Variants in FGF13 observed in about 807,000 individuals in gnomAD.
FGF13 encodes fibroblast growth factor homologous factor 2.
A neutral mutation model predicts 19.5 loss-of-function variants in FGF13; 2 were observed. The observed-to-expected ratio is 0.10, with a 90% confidence interval of 0.04 to 0.32. FGF13 has a LOEUF of 0.32. Ranked by LOEUF, FGF13 falls within the 10% of genes least tolerant of loss-of-function variation. The pLI is 1.00. For missense variants in FGF13, 113 were observed against 192.7 expected, an observed-to-expected ratio of 0.59 and a Z score of 2.45; for synonymous variants, 72 against 76.9, an observed-to-expected ratio of 0.94 and a Z score of 0.33.
At chrX:138,831,033 A>T (rs1285207182) in intron 3 of FGF13, among the ~76,000 whole-genome samples, 2 of 110,916 alleles carry the variant, frequency 1.8e-5, no homozygotes, top group Admixed American at 9.6e-5. Context: ...ATTCCAGCAC[A>T]GTGTCCCCTG....
intron 1 of FGF13, among the ~76,000 whole-genome samples, chrX:139,098,984 C>G (rs1392548240): frequency 9.0e-6 from 1 of 111,557 alleles, no homozygotes; most frequent in African/African-American, 3.3e-5. Flanking sequence ...GAGTTAGCAA[C>G]CTTTGCCACA....
intron 1 of FGF13, among the ~76,000 whole-genome samples, chrX:139,003,161 A>G (rs941082955): frequency 9.1e-6 from 1 of 110,369 alleles, no homozygotes; most frequent in African/African-American, 3.3e-5. Flanking sequence ...TCTGATGTTC[A>G]TATGTGTTCG....
intron 3 of FGF13, among the ~76,000 whole-genome samples, chrX:138,834,642 AT>A (rs748585192): frequency 9.4e-6 from 1 of 106,408 alleles, no homozygotes; most frequent in African/African-American, 3.4e-5. Context: ...ATGGTTTTTC[AT>A]GTTTCTATCT....
Position 138,625,244 on chromosome X carries a change from A to G in FGF13, c.*7606T>C, listed in dbSNP as rs942007933. 1 of 109,231 alleles carries G rather than the reference A, an allele frequency of 9.2e-6. No individual in the cohort carries two copies. Among genetic ancestry groups the G allele is most frequent in the African/African-American group, 3.3e-5 (1 of 30,144 alleles). The allele number at this position is 109,231 out of a possible 1,213,427, so 9.0% of individuals were successfully genotyped here. On this transcript the variant is annotated 3_prime_UTR_variant, in exon 5 of 5. Transcript: ENST00000315930. ...TTATGGGAATGTAAATTAGTAAGCCATTATGTAAAACAGTATGGAGATCCT... is the reference window on the plus strand; with the variant it reads ...TTATGGGAATGTAAATTAGTAAGCCGTTATGTAAAACAGTATGGAGATCCT...
chrX:138,955,991 A>G (rs140064410), intron 1 of FGF13, among the ~76,000 whole-genome samples: 3,130 of 111,929 alleles, frequency 0.028, 122 homozygotes, highest in African/African-American at 0.096. Context: ...GGTCAATAAC[A>G]GGTAGATACT....
chrX:139,081,814 T>G (rs1603188884), intron 1 of FGF13, among the ~76,000 whole-genome samples: 1 of 110,904 alleles, frequency 9.0e-6, no homozygotes, highest in Non-Finnish European at 1.9e-5. Flanking sequence ...TCATCACCTC[T>G]ACTATGACTA....
intron 1 of FGF13, among the ~76,000 whole-genome samples, chrX:138,983,077 CTAT>C (rs747668242): frequency 2.2e-3 from 245 of 111,151 alleles, no homozygotes; most frequent in African/African-American, 6.7e-3. Flanking sequence ...CCTTTTCACT[CTAT>C]TATTTCCTTT....
chrX:139,169,159 T>C (rs1422840611), intron 1 of FGF13, among the ~76,000 whole-genome samples: 2 of 112,263 alleles, frequency 1.8e-5, no homozygotes, highest in Non-Finnish European at 3.8e-5. Context: ...AGGGAAGTTG[T>C]GCAAGGTCAC....
Position 138,929,870 on chromosome X carries a change from G to C in FGF13, c.-112-65220C>G, listed in dbSNP as rs931873049. Among the ~76,000 whole-genome samples, 120 of 106,379 alleles carry C rather than the reference G, an allele frequency of 1.1e-3. No individual in the cohort carries two copies. In the East Asian group the frequency reaches 0.012, roughly 11 times the overall value. 92.4% of individuals were successfully genotyped at this position (106,379 alleles called of 115,157 possible). On this transcript the variant is annotated intron_variant, in intron 1 of 2. Coordinates refer to the FGF13 transcript ENST00000421460. The stretch of plus-strand genomic sequence containing the variant: ...CTGCCTTAGCTGTGTGTGTGTGTGT[G>C]TGTGTGTGTGTGTGTGTGTGTGTGT...
At chrX:138,721,838 A>G (rs1331495702) in intron 1 of FGF13, among the ~76,000 whole-genome samples, 1 of 110,460 alleles carries the variant, frequency 9.1e-6, no homozygotes, top group Non-Finnish European at 1.9e-5. Context: ...TTAAATACAT[A>G]TATATATTTA....
At chrX:139,167,504 G>C (rs1239377479) in intron 1 of FGF13, among the ~76,000 whole-genome samples, 1 of 111,655 alleles carries the variant, frequency 9.0e-6, no homozygotes, top group East Asian at 2.8e-4. Flanking sequence ...CTGAAAATGA[G>C]GACATCTCAC....
At chrX:139,128,979 T>C (rs1418663572) in intron 1 of FGF13, among the ~76,000 whole-genome samples, 1 of 109,869 alleles carries the variant, frequency 9.1e-6, no homozygotes, top group Non-Finnish European at 1.9e-5. Context: ...CTATAATCAG[T>C]CTGAACATTG....
chrX:139,066,523 A>G (rs1007122825), intron 1 of FGF13, among the ~76,000 whole-genome samples: 8 of 112,004 alleles, frequency 7.1e-5, no homozygotes, highest in African/African-American at 2.6e-4. Flanking sequence ...AGAATACTAT[A>G]AACACCTCTA....
chrX:138,639,860 G>C (rs192603576), intron 3 of FGF13, among the ~76,000 whole-genome samples: 10 of 110,196 alleles, frequency 9.1e-5, no homozygotes, highest in Non-Finnish European at 1.5e-4. Context: ...GGGCATGGTG[G>C]TGGGCACCTG....
intron 1 of FGF13, among the ~76,000 whole-genome samples, chrX:138,912,765 A>T (rs2091594947): frequency 9.0e-6 from 1 of 111,380 alleles, no homozygotes; most frequent in South Asian, 3.8e-4. Flanking sequence ...TCGAACTCTC[A>T]CTCCCAGATT....
intron 1 of FGF13, among the ~76,000 whole-genome samples, chrX:139,167,814 C>T: frequency 8.9e-6 from 1 of 112,294 alleles, no homozygotes; most frequent in Non-Finnish European, 1.9e-5. Context: ...GTATATGCCA[C>T]ATTCTGCTTT....
chrX:138,703,582 C>G (rs2089967609), intron 2 of FGF13, among the ~76,000 whole-genome samples: 1 of 112,345 alleles, frequency 8.9e-6, no homozygotes, highest in Non-Finnish European at 1.9e-5. Context: ...GTAGAGAGTC[C>G]TAGACTTTTA....
chrX:138,685,656 A>C, intron 3 of FGF13, among the ~76,000 whole-genome samples: 1 of 111,446 alleles, frequency 9.0e-6, no homozygotes, highest in Non-Finnish European at 1.9e-5. Context: ...TAAAAGTATG[A>C]ATTGCCATAC....
chrX:138,854,388 C>T (rs1395066570), downstream of FGF13, among the ~76,000 whole-genome samples: 1 of 111,106 alleles, frequency 9.0e-6, no homozygotes, highest in African/African-American at 3.3e-5. Flanking sequence ...TATTTCAGTC[C>T]CTTTGTGTAT....
Sources: gnomAD v4.1 joint callset for allele counts (sites outside exome capture counted in the v4.1 genomes callset) on GRCh38, gnomAD v4.1.1 for gene constraint, MANE v1.5 for transcripts, NCBI Gene and HGNC (gene_info 2026-07-23, HGNC 2026-07-21) for gene names.